Variants in ASIC2 observed in about 807,000 individuals in gnomAD.
ASIC2 encodes the protein acid-sensing ion channel 2.
Under a neutral mutation model 57.3 loss-of-function variants are expected in ASIC2, and 25 were observed. The ratio of observed to expected loss-of-function variants is 0.44; its 90% CI spans 0.32 to 0.61. ASIC2 has a LOEUF of 0.61. Ranked by LOEUF, ASIC2 falls within the 20% of genes least tolerant of loss-of-function variation. ASIC2 has a pLI of 0.06. For missense variants in ASIC2, 641 were observed against 738.1 expected (o/e 0.87, Z 1.52); for synonymous variants, 319 against 307.5 (o/e 1.04, Z -0.39).
chr17:33,791,807 A>ATTTAT (rs1234516013), intron 1 of ASIC2: 4 of 151,798 alleles, frequency 2.6e-5, no homozygotes, highest in African/African-American at 7.3e-5. Context: ...TCATGTTTTT[A>ATTTAT]TTTATTTTAT....
chr17:33,191,849 T>A (rs141670815), intron 1 of ASIC2, among the ~76,000 whole-genome samples: 1 of 152,258 alleles, frequency 6.6e-6, no homozygotes, highest in Non-Finnish European at 1.5e-5. Flanking sequence ...TCCAGCAAAC[T>A]TCTCTTCCTA....
At chr17:33,358,842 C>T (rs12449795) in intron 1 of ASIC2, among the ~76,000 whole-genome samples, 25,307 of 152,142 alleles carry the variant, frequency 0.17, 2,924 homozygotes, top group East Asian at 0.49. Flanking sequence ...CCTTTTAACA[C>T]GGAATGATGT....
intron 1 of ASIC2, among the ~76,000 whole-genome samples, chr17:34,018,746 T>C (rs554937181): frequency 1.3e-5 from 2 of 152,292 alleles, no homozygotes; most frequent in Admixed American, 1.3e-4. Flanking sequence ...GAGAACTACA[T>C]TTAGAAGTGG....
rs116367725 is a variant in ASIC2 at position 33,997,613 on chromosome 17, C to A, written c.555+158365G>T. 1.4e-4 allele frequency among the ~76,000 whole-genome samples: 22 copies of A among 151,868 alleles called. No individual in the cohort carries two copies. The South Asian group carries it at 4.4e-3, about 30-fold the overall frequency. ...GTTGAATTTTATCAAATGCTTTTTCCGCATCTATTGAGATGATCATATAAT... is the reference window on the plus strand; with the variant it reads ...GTTGAATTTTATCAAATGCTTTTTCAGCATCTATTGAGATGATCATATAAT... On this transcript the variant is annotated intron_variant, in intron 1 of 9. Coordinates refer to the ASIC2 transcript ENST00000359872.
At chr17:33,956,299 T>C (rs1037891971) in intron 1 of ASIC2, among the ~76,000 whole-genome samples, 1 of 152,156 alleles carries the variant, frequency 6.6e-6, no homozygotes, top group Non-Finnish European at 1.5e-5. Context: ...ATCTCAAGAA[T>C]TGACCTGAGA....
intron 1 of ASIC2, among the ~76,000 whole-genome samples, chr17:33,910,612 T>C (rs1346284554): frequency 6.6e-6 from 1 of 152,212 alleles, no homozygotes; most frequent in Non-Finnish European, 1.5e-5. Flanking sequence ...CCCCAGACTA[T>C]AAACTTCATG....
At chr17:33,431,012 T>C (rs1369953722) in intron 1 of ASIC2, among the ~76,000 whole-genome samples, 1 of 152,086 alleles carries the variant, frequency 6.6e-6, no homozygotes, top group Non-Finnish European at 1.5e-5. Flanking sequence ...TCAGCATCTA[T>C]GTGAGAGGAT....
chr17:34,069,960 G>A (rs1457185236), intron 1 of ASIC2: 1 of 152,010 alleles, frequency 6.6e-6, no homozygotes, highest in African/African-American at 2.4e-5. Flanking sequence ...TTTATTCCAT[G>A]GTGATAATCA....
At chr17:34,135,794 TA>T (rs1912109727) in intron 1 of ASIC2, among the ~76,000 whole-genome samples, 1 of 152,068 alleles carries the variant, frequency 6.6e-6, no homozygotes, top group African/African-American at 2.4e-5. Flanking sequence ...ATAATAATAT[TA>T]ATAGTAAAAC....
chr17:33,225,881 A>G (rs1438901529), intron 1 of ASIC2, among the ~76,000 whole-genome samples: 1 of 152,228 alleles, frequency 6.6e-6, no homozygotes. Flanking sequence ...AGTCACTAAT[A>G]TGGTTACCCA....
intron 1 of ASIC2, among the ~76,000 whole-genome samples, chr17:33,313,872 A>G (rs1323982537): frequency 6.6e-6 from 1 of 152,100 alleles, no homozygotes; most frequent in African/African-American, 2.4e-5. Flanking sequence ...ATGGTGGCAG[A>G]GACTTGGCCT....
chr17:33,466,268 A>C (rs1220490054), intron 1 of ASIC2, among the ~76,000 whole-genome samples: 1 of 152,134 alleles, frequency 6.6e-6, no homozygotes, highest in Non-Finnish European at 1.5e-5. Flanking sequence ...AATACCTAGG[A>C]ATCCAACTTA....
At chr17:33,074,649 G>A (rs1402729946) in intron 3 of ASIC2, among the ~76,000 whole-genome samples, 1 of 152,178 alleles carries the variant, frequency 6.6e-6, no homozygotes, top group Non-Finnish European at 1.5e-5. Context: ...AATGGTTAGA[G>A]CCAGGCGTTG....
intron 1 of ASIC2, among the ~76,000 whole-genome samples, chr17:33,989,320 G>A (rs1405632764): frequency 6.6e-6 from 1 of 152,012 alleles, no homozygotes; most frequent in Admixed American, 6.6e-5. Flanking sequence ...GAGAAAGCAG[G>A]CCTCCAGGAT....
At chr17:33,112,822 CTG>C (rs1214136760) in intron 1 of ASIC2, 1 of 152,236 alleles carries the variant, frequency 6.6e-6, no homozygotes, top group Non-Finnish European at 1.5e-5. Flanking sequence ...TCTAAGGTAA[CTG>C]TGAGTCATTC....
intron 3 of ASIC2, among the ~76,000 whole-genome samples, chr17:33,077,543 GGA>G (rs1482653863): frequency 6.6e-6 from 1 of 152,070 alleles, no homozygotes; most frequent in Non-Finnish European, 1.5e-5. Flanking sequence ...ACTCAAAGAG[GGA>G]GAGAGAGAGG....
intron 1 of ASIC2, among the ~76,000 whole-genome samples, chr17:33,662,472 T>G (rs280040): frequency 0.34 from 47,642 of 140,040 alleles, 8,415 homozygotes; most frequent in East Asian, 0.58. Flanking sequence ...AATACAAAAA[T>G]TAGCCAGGTG....
intron 1 of ASIC2, among the ~76,000 whole-genome samples, chr17:33,901,866 A>C (rs1915239043): frequency 6.6e-6 from 1 of 152,132 alleles, no homozygotes; most frequent in Admixed American, 6.5e-5. Context: ...TTATGGTTCT[A>C]TGTTTCATCA....
intron 1 of ASIC2, among the ~76,000 whole-genome samples, chr17:33,762,228 G>T (rs1390438506): frequency 6.6e-6 from 1 of 152,078 alleles, no homozygotes; most frequent in Non-Finnish European, 1.5e-5. Context: ...TTATGGAGGG[G>T]GGCAACCACC....
Sources: allele counts gnomAD v4.1 joint callset (sites outside exome capture counted in the v4.1 genomes callset), GRCh38; gene constraint gnomAD v4.1.1; transcripts MANE v1.5; gene names NCBI Gene and HGNC (gene_info 2026-07-23, HGNC 2026-07-21).